Variants in MMEL1 observed in about 807,000 individuals in gnomAD.
MMEL1 encodes membrane metalloendopeptidase like 1, also known as membrane metallo-endopeptidase-like 1.
MMEL1 carries 98 observed loss-of-function variants against 117.1 expected under a neutral mutation model. The observed-to-expected ratio is 0.84, with a 90% confidence interval of 0.71 to 0.99. The LOEUF (loss-of-function observed/expected upper bound fraction) is 0.99. MMEL1 is among the 50% of genes least tolerant of loss of function. The pLI, the probability that MMEL1 is intolerant of heterozygous loss-of-function variation, is 0.00. For synonymous variants in MMEL1, 390 were observed against 415.1 expected, an observed-to-expected ratio of 0.94 and a Z score of 0.74; for missense variants, 1,014 against 1,049.1, an observed-to-expected ratio of 0.97 and a Z score of 0.46.
intron 2 of MMEL1, among the ~76,000 whole-genome samples, chr1:2,626,459 CT>C (rs1469908602): frequency 6.6e-6 from 1 of 152,248 alleles, no homozygotes; most frequent in Non-Finnish European, 1.5e-5. Flanking sequence ...CACATACATG[CT>C]TCATCTCACC....
At chr1:2,618,875 A>C (rs1264906178) in intron 2 of MMEL1, among the ~76,000 whole-genome samples, 1 of 152,246 alleles carries the variant, frequency 6.6e-6, no homozygotes, top group African/African-American at 2.4e-5. Context: ...ATTAGGAATG[A>C]TCTGATCCAG....
chr1:2,627,075 A>G (rs1456444892), intron 2 of MMEL1, among the ~76,000 whole-genome samples: 1 of 152,266 alleles, frequency 6.6e-6, no homozygotes, highest in Non-Finnish European at 1.5e-5. Flanking sequence ...CTGAGTAGCT[A>G]GTACTCATGT....
In MMEL1 at chr1:2,595,958, G is replaced by T; in HGVS notation, c.1500+51C>A. On this transcript the variant is annotated intron_variant, in intron 15 of 23. Transcript: ENST00000378412. This position sits in a 1 kb window ranked among gnomAD's most constrained non-coding sequence, Gnocchi z 4.8. ...CAGGAGGCTTTGTCGGGGCGGTGCT[G>T]CCCGTGCCCAGATCCAGTCGGGGCT... The T allele has an allele frequency of 6.6e-7, 1 of 1,505,092 alleles. No individual in the cohort carries two copies. Among genetic ancestry groups the T allele is most frequent in the Non-Finnish European group, 9.2e-7 (1 of 1,083,066 alleles). The allele number at this position is 1,505,092 out of a possible 1,614,324, so 93.2% of individuals were successfully genotyped here.
At chr1:2,629,631 A>G in intron 1 of MMEL1, 110 bp from the exon 2 acceptor site, 1 of 965,474 alleles carries the variant, frequency 1.0e-6, no homozygotes, top group Non-Finnish European at 1.4e-6. Context: ...GTGCCTTTGG[A>G]ACACTCTTCC....
At chr1:2,630,807 C>G (rs1638531064) in intron 1 of MMEL1, among the ~76,000 whole-genome samples, 1 of 146,184 alleles carries the variant, frequency 6.8e-6, no homozygotes, top group African/African-American at 2.6e-5. Context: ...CGTGTGTCCT[C>G]TCGTGTGTGC....
At chr1:2,592,795 G>A (rs565493285) in intron 20 of MMEL1, 38 bp downstream of exon 20, 87 of 1,611,900 alleles carry the variant, frequency 5.4e-5, no homozygotes, top group African/African-American at 2.1e-4. Flanking sequence ...CTGGGGCTCC[G>A]GTACCCCCGC....
Position 2,606,328 on chromosome 1 carries a change from T to C in MMEL1, c.670A>G (p.Asn224Asp), listed in dbSNP as rs753675891. ...WELERQLALM[N>D]SQFNRRVLID... is the part of the protein sequence containing the mutation. ...AGGACGCGCCTGTTGAACTGTGAGTTCATCAGCGCCAGCTGCCGCTCCAGC... is the reference window on the plus strand; with the variant it reads ...AGGACGCGCCTGTTGAACTGTGAGTCCATCAGCGCCAGCTGCCGCTCCAGC... Residue 224 changes from asparagine (N) to aspartate (D), a missense_variant, in exon 8 of 24, where the codon AAC (asparagine) becomes GAC (aspartate). Transcript: ENST00000378412. 3 of 1,612,282 alleles carry C rather than the reference T, an allele frequency of 1.9e-6. No homozygotes were observed. Among genetic ancestry groups the C allele is most frequent in the Non-Finnish European group, 2.5e-6 (3 of 1,179,868 alleles).
chr1:2,625,686 C>A (rs1017025071), intron 2 of MMEL1, among the ~76,000 whole-genome samples: 2 of 152,190 alleles, frequency 1.3e-5, no homozygotes, highest in East Asian at 3.8e-4. Context: ...CACCATGCGA[C>A]CTGAACTTCC....
intron 19 of MMEL1, 92 bp from the exon 20 acceptor site, chr1:2,593,058 T>TC (rs1644768892): frequency 6.7e-7 from 1 of 1,500,094 alleles, no homozygotes; most frequent in East Asian, 2.3e-5. Context: ...CTCCTGCCCC[T>TC]CCTGCAGCCA....
At position 2,590,765 on chromosome 1, in the gene MMEL1, G is replaced by T. The variant is rs881640; in HGVS notation, c.*225C>A. ...CTGTGACGGGGGCACTGAGCCCCGC[G>T]GGTGTCTGTGGAGGGGGCTCCGGTC... is the stretch of plus-strand genomic sequence containing the variant. On this transcript the variant is annotated 3_prime_UTR_variant, in exon 24 of 24. Coordinates refer to ENST00000378412, the MANE Select transcript of MMEL1 (RefSeq NM_033467.4). 0.15 allele frequency: 60,045 copies of T among 403,928 alleles called. 5,051 individuals are homozygous for T. Among genetic ancestry groups the T allele is most frequent in the South Asian group, 0.21 (1,961 of 9,386 alleles). The allele number at this position is 403,928 out of a possible 1,614,324, so 25.0% of individuals were successfully genotyped here.
chr1:2,592,734 A>T lies in MMEL1; in HGVS notation c.2002-14T>A. 6.2e-7 allele frequency: 1 copy of T among 1,610,872 alleles called. No homozygotes were observed. Among genetic ancestry groups the T allele is most frequent in the South Asian group, 1.1e-5 (1 of 90,878 alleles). On this transcript the variant is annotated splice_polypyrimidine_tract_variant and intron_variant, in intron 20 of 23. Transcript: ENST00000378412. ...GAATCCGTTCACCTGCGCACAGGAG[A>T]CAGGATTGGGGCAGCCCCGGCCCTG...
chr1:2,631,182 C>T lies in MMEL1; in HGVS notation c.-37-1661G>A, dbSNP rs114626652. ...GGGAAGTTGCCCGGTCCTAGGGAAG[C>T]GGCTGGGTGCTTTGGCCTTCCAGCA... On this transcript the variant is annotated intron_variant, in intron 1 of 23. Coordinates refer to ENST00000378412, the MANE Select transcript of MMEL1 (RefSeq NM_033467.4). 1.3e-3 allele frequency among the ~76,000 whole-genome samples: 195 copies of T among 152,296 alleles called. 2 individuals carry two copies. The highest frequency in any genetic ancestry group is 4.3e-3 in the African/African-American group (180 of 41,536).
chr1:2,628,016 G>T (rs1638349712), intron 2 of MMEL1, among the ~76,000 whole-genome samples: 1 of 152,254 alleles, frequency 6.6e-6, no homozygotes, highest in Non-Finnish European at 1.5e-5. Context: ...CGACCCAGAA[G>T]AAGAGAGGCC....
rs556818182 is a variant in MMEL1, at chr1:2,629,459, C to A, written c.26G>T (p.Gly9Val). The A allele has an allele frequency of 2.0e-6, 3 of 1,534,274 alleles. No homozygotes were observed. Among genetic ancestry groups the A allele is most frequent in the African/African-American group, 2.8e-5 (2 of 72,362 alleles). Residue 9 changes from glycine (G) to valine (V), a missense_variant, in exon 2 of 24, where the codon GGG becomes GTG. Physicochemically the swap from Gly to Val is moderately radical, Grantham distance 109. Transcript: ENST00000378412. The stretch of plus-strand genomic sequence containing the variant: ...TGCACGGCCGGCGCTCTCCACCATC[C>A]CCACTGGGCCTTCGGACTTCCCCAT... MGKSEGPV[G>V]MVESAGRAGQ...
At chr1:2,630,476 G>T (rs1167856153) in intron 1 of MMEL1, among the ~76,000 whole-genome samples, 1 of 152,142 alleles carries the variant, frequency 6.6e-6, no homozygotes, top group African/African-American at 2.4e-5. Flanking sequence ...GTGTGCATGT[G>T]TGTGTGTGCA....
intron 11 of MMEL1, among the ~76,000 whole-genome samples, chr1:2,603,368 C>T (rs1644965778): frequency 6.6e-6 from 1 of 152,158 alleles, no homozygotes; most frequent in Non-Finnish European, 1.5e-5. Flanking sequence ...GGGGGACTTG[C>T]CCCTTCCCAG....
intron 13 of MMEL1, 43 bp downstream of exon 13, chr1:2,598,164 T>C (rs761028304): frequency 6.4e-7 from 1 of 1,557,722 alleles, no homozygotes; most frequent in South Asian, 1.1e-5. Context: ...GTGGCCTGAA[T>C]GAATGAGTGC....
At chr1:2,594,121 AC>A in intron 18 of MMEL1, 188 bp from the exon 19 acceptor site, 1 of 840,694 alleles carries the variant, frequency 1.2e-6, no homozygotes, top group Non-Finnish European at 1.8e-6. Flanking sequence ...TGCCTGGCAG[AC>A]CCAGGACCTC....
chr1:2,630,777 CG>C (rs1638529045), intron 1 of MMEL1, among the ~76,000 whole-genome samples: 1 of 113,592 alleles, frequency 8.8e-6, no homozygotes, highest in Admixed American at 9.5e-5. Context: ...TGGATATGCA[CG>C]TGTGTGCCTG....
Sources: gnomAD v4.1 joint callset for allele counts (sites outside exome capture counted in the v4.1 genomes callset) on GRCh38, gnomAD v4.1.1 for gene constraint, Gnocchi (gnomAD v3.1) non-coding constraint, MANE v1.5 for transcripts, NCBI Gene and HGNC (gene_info 2026-07-23, HGNC 2026-07-21) for gene names.